The following NBAS variants were observed in gnomAD, a reference collection of about 807,000 sequenced individuals.
NBAS encodes the protein NAG/BC035112 fusion.
NBAS carries 219 observed loss-of-function variants against 302.5 expected under a neutral mutation model. That is an observed-to-expected ratio of 0.72 (90% CI 0.65 to 0.81). The LOEUF (loss-of-function observed/expected upper bound fraction) is 0.81, where lower values mean the gene tolerates loss of function less well. Ranked by LOEUF, NBAS falls within the 30% of genes least tolerant of loss-of-function variation. NBAS has a pLI of 0.00. For synonymous variants in NBAS, 1,118 were observed against 1,021.6 expected (o/e 1.09, Z -1.80); for missense variants, 2,932 against 2,841.6 (o/e 1.03, Z -0.72).
chr2:14,870,071 C>T, the NBAS span, among the ~76,000 whole-genome samples: 1 of 152,138 alleles, frequency 6.6e-6, no homozygotes, highest in Non-Finnish European at 1.5e-5. Flanking sequence ...CATTGGTCAA[C>T]AGGTAGAGCT....
the NBAS span, among the ~76,000 whole-genome samples, chr2:15,057,506 T>C: frequency 6.6e-6 from 1 of 152,116 alleles, no homozygotes; most frequent in Non-Finnish European, 1.5e-5. Flanking sequence ...TGGAGATTTG[T>C]GAGATCCTGG....
chr2:15,071,347 C>G, the NBAS span, among the ~76,000 whole-genome samples: 1 of 152,154 alleles, frequency 6.6e-6, no homozygotes, highest in African/African-American at 2.4e-5. Flanking sequence ...ACAAAGGGGC[C>G]GGGCGCGGTG....
chr2:15,150,570 C>T, the NBAS span, among the ~76,000 whole-genome samples: 1 of 152,102 alleles, frequency 6.6e-6, no homozygotes, highest in South Asian at 2.1e-4. Context: ...GATACCTGGC[C>T]CTTCCTGAGT....
chr2:15,050,649 A>G, the NBAS span, among the ~76,000 whole-genome samples: 19 of 152,206 alleles, frequency 1.2e-4, no homozygotes, highest in Non-Finnish European at 2.2e-4. Context: ...CTGGAGCCCT[A>G]GAGCTGGGCT....
chr2:14,848,394 G>C, the NBAS span, among the ~76,000 whole-genome samples: 11 of 141,088 alleles, frequency 7.8e-5, no homozygotes, highest in Admixed American at 5.4e-4. Context: ...CGCACCACGA[G>C]ACTATATCCC....
chr2:15,218,838 C>T lies in NBAS; in HGVS notation c.6367G>A (p.Asp2123Asn). Residue 2123 changes from aspartate to asparagine, a missense_variant, in exon 48 of 52, where the codon GAC becomes AAC. Asp to Asn is a conservative substitution (Grantham distance 23). Coordinates refer to ENST00000281513, the MANE Select transcript of NBAS (RefSeq NM_015909.4). ...CTAAAGAACACGAGGAGCTTGCTGTCCTCCTCAGTCAGGTGAAATGATTGC... is the reference window on the plus strand; with the variant it reads ...CTAAAGAACACGAGGAGCTTGCTGTTCTCCTCAGTCAGGTGAAATGATTGC... ...LGQSFHLTEEDSKLLVFFRTE... is the reference protein window; with the variant it reads ...LGQSFHLTEENSKLLVFFRTE... 6.2e-7 allele frequency: 1 copy of T among 1,614,262 alleles called. No individual in the cohort carries two copies. Among genetic ancestry groups the T allele is most frequent in the Non-Finnish European group, 8.5e-7 (1 of 1,180,056 alleles).
Position 15,366,709 on chromosome 2 carries a change from G to GTATTAAA in NBAS, c.3704-23_3704-17dup. ...CACAATCGCACTACAAAAGAAAGAC[G>GTATTAAA]TATTAAAGACTTGGACCAGGGACAT... is the stretch of plus-strand genomic sequence containing the variant. On this transcript the variant is annotated splice_polypyrimidine_tract_variant and intron_variant, in intron 31 of 51. Transcript: ENST00000281513. 2.5e-6 allele frequency: 4 copies of GTATTAAA among 1,609,462 alleles called. No individual in the cohort carries two copies. Among genetic ancestry groups the GTATTAAA allele is most frequent in the Non-Finnish European group, 3.4e-6 (4 of 1,175,908 alleles).
chr2:15,015,827 T>C, the NBAS span, among the ~76,000 whole-genome samples: 1 of 151,840 alleles, frequency 6.6e-6, no homozygotes. Flanking sequence ...GCATCCAAAT[T>C]GGAAAGAAGG....
At chr2:14,884,836 A>G in the NBAS span, among the ~76,000 whole-genome samples, 1 of 152,240 alleles carries the variant, frequency 6.6e-6, no homozygotes, top group Non-Finnish European at 1.5e-5. Flanking sequence ...CTCTCAGAAG[A>G]GATGCCTTTG....
chr2:15,511,168 T>C lies in NBAS; in HGVS notation c.885+44A>G, dbSNP rs760259833. ...TATTTGTCTAAGACAAATAGCACAGTGAAATGACACATAGCAAAGTGAAGT... is the reference window on the plus strand; with the variant it reads ...TATTTGTCTAAGACAAATAGCACAGCGAAATGACACATAGCAAAGTGAAGT... On this transcript the variant is annotated intron_variant, in intron 10 of 51. Coordinates refer to ENST00000281513, the MANE Select transcript of NBAS (RefSeq NM_015909.4). The C allele has an allele frequency of 8.1e-6, 13 of 1,612,226 alleles. No individual in the cohort carries two copies. The South Asian group carries it at 1.4e-4, about 18-fold the overall frequency.
At chr2:15,358,742 G>A (rs1231980383) in intron 32 of NBAS, among the ~76,000 whole-genome samples, 1 of 152,110 alleles carries the variant, frequency 6.6e-6, no homozygotes, top group Admixed American at 6.5e-5. Context: ...AACACACCTG[G>A]CTTGTGTTCA....
At chr2:15,419,266 T>C (rs1677091414) in intron 23 of NBAS, among the ~76,000 whole-genome samples, 1 of 152,016 alleles carries the variant, frequency 6.6e-6, no homozygotes, top group African/African-American at 2.4e-5. Flanking sequence ...GATGAGAAAT[T>C]TGAGTAAAGA....
intron 9 of NBAS, among the ~76,000 whole-genome samples, chr2:15,524,423 G>A (rs149964985): frequency 8.2e-4 from 125 of 152,226 alleles, no homozygotes; most frequent in African/African-American, 2.9e-3. Flanking sequence ...TACATGTCCC[G>A]GTCCAAACTG....
chr2:15,314,937 T>C (rs1279213609), intron 38 of NBAS, among the ~76,000 whole-genome samples: 3 of 152,236 alleles, frequency 2.0e-5, no homozygotes, highest in South Asian at 4.1e-4. Context: ...TTGCATTTAA[T>C]GAATTCTAGA....
chr2:15,129,987 G>A, the NBAS span, among the ~76,000 whole-genome samples: 5 of 152,194 alleles, frequency 3.3e-5, no homozygotes, highest in Admixed American at 6.5e-5. Context: ...ATGATGTTGC[G>A]CAGCCCTCAC....
chr2:15,460,376 T>A (rs1177132880), intron 21 of NBAS, among the ~76,000 whole-genome samples: 1 of 152,204 alleles, frequency 6.6e-6, no homozygotes. Flanking sequence ...ATGTAGTTAA[T>A]CATTGAGCCA....
intron 50 of NBAS, chr2:15,179,384 T>C (rs953701013): frequency 4.9e-6 from 2 of 409,514 alleles, no homozygotes; most frequent in Middle Eastern, 6.9e-4. Flanking sequence ...TGTACAGATA[T>C]AGTGGTATAA....
intron 44 of NBAS, among the ~76,000 whole-genome samples, chr2:15,251,574 T>C (rs1420333221): frequency 1.3e-5 from 2 of 152,226 alleles, no homozygotes; most frequent in Non-Finnish European, 2.9e-5. Context: ...CCCATTTTAA[T>C]GGTTATTTCT....
chr2:15,397,344 T>C, intron 26 of NBAS: 2 of 235,980 alleles, frequency 8.5e-6, no homozygotes, highest in East Asian at 1.4e-4. Context: ...ATCTTATGGT[T>C]TTATTTATTT....
Sources: gnomAD v4.1 joint callset for allele counts (sites outside exome capture counted in the v4.1 genomes callset) on GRCh38, gnomAD v4.1.1 for gene constraint, MANE v1.5 for transcripts, NCBI Gene and HGNC (gene_info 2026-07-23, HGNC 2026-07-21) for gene names.